Variants in WDR4 observed in about 807,000 individuals in gnomAD.
The protein encoded by WDR4 is tRNA (guanine-N(7)-)-methyltransferase non-catalytic subunit WDR4.
In WDR4, 47 loss-of-function variants were observed where a neutral mutation model predicts 48.6. That is an observed-to-expected ratio of 0.97 (90% CI 0.77 to 1.23). The LOEUF (loss-of-function observed/expected upper bound fraction) is 1.23. Ranked by LOEUF, WDR4 falls within the 50% of genes most tolerant of loss-of-function variation. The probability of loss-of-function intolerance (pLI) is 0.00; values close to 1 mark genes in which losing one functional copy is unlikely to be tolerated. For missense variants in WDR4, 606 were observed against 551.6 expected (o/e 1.10, Z -0.99); for synonymous variants, 268 against 230.0 (o/e 1.17, Z -1.49).
At chr21:42,878,324 G>A (rs955599974) in intron 1 of WDR4, among the ~76,000 whole-genome samples, 2 of 152,104 alleles carry the variant, frequency 1.3e-5, no homozygotes, top group African/African-American at 4.8e-5. Context: ...TGGAACCGTG[G>A]ACTTGTCTTC....
At chr21:42,865,438 C>T in intron 3 of WDR4, among the ~76,000 whole-genome samples, 1 of 152,172 alleles carries the variant, frequency 6.6e-6, no homozygotes, top group East Asian at 1.9e-4. Flanking sequence ...TCACAGGGCG[C>T]TCATCCCCCC....
At chr21:42,851,065 T>C (rs1380214618) in intron 10 of WDR4, among the ~76,000 whole-genome samples, 3 of 152,288 alleles carry the variant, frequency 2.0e-5, no homozygotes, top group Non-Finnish European at 4.4e-5. Context: ...GGCCCCCAAG[T>C]CTGCGCCGGG....
At chr21:42,868,423 C>T (rs955026044) in intron 3 of WDR4, among the ~76,000 whole-genome samples, 3 of 152,198 alleles carry the variant, frequency 2.0e-5, no homozygotes, top group Non-Finnish European at 4.4e-5. Context: ...TTGAAAGAGT[C>T]AGCGTCTTCA....
chr21:42,847,908 A>G (rs1252862698), downstream of WDR4, among the ~76,000 whole-genome samples: 1 of 152,188 alleles, frequency 6.6e-6, no homozygotes, highest in African/African-American at 2.4e-5. Flanking sequence ...CAGACTATGA[A>G]TGAGAAAGCA....
downstream of WDR4, among the ~76,000 whole-genome samples, chr21:42,845,933 G>C (rs1009491327): frequency 6.6e-6 from 1 of 152,266 alleles, no homozygotes; most frequent in South Asian, 2.1e-4. Context: ...AGAAGTTCGA[G>C]ACCAGCCTGG....
chr21:42,863,120 T>G (rs1419966610), intron 4 of WDR4, among the ~76,000 whole-genome samples: 2 of 152,188 alleles, frequency 1.3e-5, no homozygotes, highest in Non-Finnish European at 2.9e-5. Flanking sequence ...CTCACTTGCC[T>G]TCTTCATTCT....
At chr21:42,856,003 G>A (rs533979808) in intron 6 of WDR4, among the ~76,000 whole-genome samples, 4 of 152,214 alleles carry the variant, frequency 2.6e-5, no homozygotes, top group Admixed American at 6.5e-5. Flanking sequence ...TTTCTCGAGT[G>A]CCAATATGCC....
intron 5 of WDR4, among the ~76,000 whole-genome samples, chr21:42,861,979 C>T (rs899813358): frequency 6.6e-6 from 1 of 152,176 alleles, no homozygotes; most frequent in South Asian, 2.1e-4. Flanking sequence ...GAACAACTCC[C>T]GGGCATGGTG....
intron 10 of WDR4, among the ~76,000 whole-genome samples, chr21:42,851,095 G>A (rs1039754466): frequency 2.0e-5 from 3 of 152,200 alleles, no homozygotes; most frequent in African/African-American, 7.2e-5. Context: ...CTCTATCTAT[G>A]GAACATCTCA....
At chr21:42,859,553 G>A in intron 6 of WDR4, 109 bp downstream of exon 6, 1 of 1,347,476 alleles carries the variant, frequency 7.4e-7, no homozygotes, top group Non-Finnish European at 1.0e-6. Context: ...GACAGCCACA[G>A]CCAGCCAGGG....
chr21:42,844,370 G>A (rs572518757), downstream of WDR4, among the ~76,000 whole-genome samples: 1 of 152,266 alleles, frequency 6.6e-6, no homozygotes, highest in African/African-American at 2.4e-5. Flanking sequence ...AAAAGCAGCC[G>A]CAGAATACAT....
At chr21:42,872,846 A>G (rs1316285676) in intron 3 of WDR4, among the ~76,000 whole-genome samples, 1 of 152,168 alleles carries the variant, frequency 6.6e-6, no homozygotes, top group African/African-American at 2.4e-5. Flanking sequence ...CTGAGGCAGG[A>G]GAATCACTTG....
intron 10 of WDR4, 44 bp downstream of exon 10, chr21:42,852,211 C>T (rs748239533): frequency 1.1e-5 from 18 of 1,607,724 alleles, no homozygotes; most frequent in East Asian, 6.7e-5. Context: ...CTGGGGACCG[C>T]GCTGGGTGTG....
chr21:42,879,268 G>C (rs1388616977), intron 1 of WDR4, 139 bp downstream of exon 1: 2 of 1,379,050 alleles, frequency 1.5e-6, no homozygotes, highest in African/African-American at 3.0e-5. Context: ...CTGCGGCGGA[G>C]GACTCGTGGG....
the WDR4 span, among the ~76,000 whole-genome samples, chr21:42,891,038 G>A: frequency 6.6e-6 from 1 of 152,068 alleles, no homozygotes; most frequent in Non-Finnish European, 1.5e-5. Context: ...AAACCATCAA[G>A]ATGGCTAAGC....
At chr21:42,859,597 G>GGCCAC in intron 6 of WDR4, 65 bp downstream of exon 6, 2 of 708,190 alleles carry the variant, frequency 2.8e-6, no homozygotes, top group African/African-American at 3.6e-5. Context: ...TCCAGGAGGC[G>GGCCAC]CCCACCCCAC....
intron 1 of WDR4, chr21:42,879,067 G>T: frequency 9.0e-7 from 1 of 1,111,864 alleles, no homozygotes; most frequent in Non-Finnish European, 1.1e-6. Context: ...GGTCAGCGTC[G>T]CCCCACGTGC....
At chr21:42,871,287 C>G (rs565657772) in intron 3 of WDR4, among the ~76,000 whole-genome samples, 3 of 152,306 alleles carry the variant, frequency 2.0e-5, no homozygotes, top group African/African-American at 7.2e-5. Context: ...TGTTGGGCAG[C>G]CCAAGCAGAC....
At chr21:42,882,692 G>C (rs1485310356), upstream of WDR4, among the ~76,000 whole-genome samples, 1 of 152,122 alleles carries the variant, frequency 6.6e-6, no homozygotes, top group African/African-American at 2.4e-5. Context: ...GCCAGGCACG[G>C]TGACTCACAC....
Sources: allele counts gnomAD v4.1 joint callset (sites outside exome capture counted in the v4.1 genomes callset), GRCh38; gene constraint gnomAD v4.1.1; transcripts MANE v1.5; gene names NCBI Gene and HGNC (gene_info 2026-07-23, HGNC 2026-07-21).